Variants in KIF20B observed in about 807,000 individuals in gnomAD.
KIF20B encodes the protein kinesin-like protein KIF20B.
Under a neutral mutation model 232.5 loss-of-function variants are expected in KIF20B, and 188 were observed. That is an observed-to-expected ratio of 0.81 (90% CI 0.72 to 0.91). KIF20B has a LOEUF of 0.91. Ranked by LOEUF, KIF20B falls within the 40% of genes least tolerant of loss-of-function variation. The pLI, the probability that KIF20B is intolerant of heterozygous loss-of-function variation, is 0.00. For synonymous variants in KIF20B, 712 were observed against 683.0 expected, an observed-to-expected ratio of 1.04 and a Z score of -0.66; for missense variants, 2,154 against 2,055.9, an observed-to-expected ratio of 1.05 and a Z score of -0.92.
intron 19 of KIF20B, among the ~76,000 whole-genome samples, chr10:89,733,908 A>G (rs1841584116): frequency 6.6e-6 from 1 of 152,224 alleles, no homozygotes; most frequent in South Asian, 2.1e-4. Context: ...TGAGTGAAAC[A>G]AAAAAGAACA....
chr10:89,750,060 G>C (rs1475650615), intron 23 of KIF20B, among the ~76,000 whole-genome samples: 1 of 151,832 alleles, frequency 6.6e-6, no homozygotes, highest in African/African-American at 2.4e-5. Flanking sequence ...GTGTATTTTG[G>C]GGTTCTTTCC....
In KIF20B at chr10:89,751,299, A is replaced by G. The variant is rs73386407; in HGVS notation, c.4097-47A>G. The G allele has an allele frequency of 0.012, 15,967 of 1,370,304 alleles. 722 individuals are homozygous for G. The African/African-American group carries it at 0.18, about 16-fold the overall frequency. 84.9% of individuals were successfully genotyped at this position (1,370,304 alleles called of 1,614,324 possible). On this transcript the variant is annotated intron_variant, in intron 23 of 32. Transcript: ENST00000371728. ...TTTAGAAGAACTTAAGAAAAATTGG[A>G]TATCTAGAGGCTATTAATTTCTAAA...
At chr10:89,752,039 T>G (rs970908294) in intron 24 of KIF20B, among the ~76,000 whole-genome samples, 1 of 152,116 alleles carries the variant, frequency 6.6e-6, no homozygotes, top group Non-Finnish European at 1.5e-5. Flanking sequence ...CTGATGATGA[T>G]AATGCCATAT....
chr10:89,752,771 A>G, intron 25 of KIF20B, 80 bp downstream of exon 25: 1 of 1,049,560 alleles, frequency 9.5e-7, no homozygotes, highest in Non-Finnish European at 1.3e-6. Flanking sequence ...TCAGTATTTT[A>G]TATTTAGTAA....
intron 1 of KIF20B, among the ~76,000 whole-genome samples, chr10:89,701,997 ATTTC>A (rs1287580262): frequency 6.6e-6 from 1 of 152,200 alleles, no homozygotes; most frequent in African/African-American, 2.4e-5. Flanking sequence ...TGAAGTGTCT[ATTTC>A]TTTCGGCTTT....
intron 23 of KIF20B, among the ~76,000 whole-genome samples, chr10:89,749,022 A>AT (rs35158937): frequency 2.0e-5 from 3 of 152,000 alleles, no homozygotes; most frequent in African/African-American, 7.2e-5. Flanking sequence ...TTGTATGTGT[A>AT]TTTTTTCTAA....
At chr10:89,747,059 T>C (rs1001263186) in intron 23 of KIF20B, among the ~76,000 whole-genome samples, 3 of 152,170 alleles carry the variant, frequency 2.0e-5, no homozygotes, top group Non-Finnish European at 4.4e-5. Flanking sequence ...TAAAATATCT[T>C]TAAAATTAAA....
rs1301847520 is a variant in KIF20B at position 89,757,040 on chromosome 10, G to GTGTATATATATATA, written c.4504-1665_4504-1664insGTATATATATATAT. Among the ~76,000 whole-genome samples the GTGTATATATATATA allele has an allele frequency of 3.4e-3, 380 of 110,640 alleles. 1 individual carries two copies. The highest frequency in any genetic ancestry group is 0.011 in the East Asian group (38 of 3,424). The allele number at this position is 110,640 out of a possible 152,430, so 72.6% of individuals were successfully genotyped here. ...ATCTCTGTTGTGTGTGTGTGTGTGT[G>GTGTATATATATATA]TATATATATATATATATATATATAT... On this transcript the variant is annotated intron_variant, in intron 26 of 32. Transcript: ENST00000371728.
chr10:89,744,425 T>G lies in KIF20B; in HGVS notation c.4035+498T>G, dbSNP rs12262269. ...TTAAAGACAAGTAAAGACTGGTGAA[T>G]GATGGTGAAGTCTGGAGTGTAATTA... On this transcript the variant is annotated intron_variant, in intron 22 of 32. Coordinates refer to ENST00000371728, the MANE Select transcript of KIF20B (RefSeq NM_001284259.2). Among the ~76,000 whole-genome samples the G allele has an allele frequency of 8.3e-3, 1,259 of 152,296 alleles. 21 individuals carry two copies. The highest frequency in any genetic ancestry group is 0.029 in the African/African-American group (1,206 of 41,576).
At chr10:89,764,517 G>A (rs1398543576) in intron 29 of KIF20B, among the ~76,000 whole-genome samples, 1 of 152,166 alleles carries the variant, frequency 6.6e-6, no homozygotes, top group East Asian at 1.9e-4. Context: ...CACCAACAGT[G>A]TAAAAGTGTT....
At chr10:89,753,445 G>A (rs1320042081) in intron 25 of KIF20B, among the ~76,000 whole-genome samples, 1 of 152,018 alleles carries the variant, frequency 6.6e-6, no homozygotes, top group Admixed American at 6.6e-5. Context: ...TCCAAAAGCA[G>A]TTAGAACAAA....
intron 29 of KIF20B, among the ~76,000 whole-genome samples, chr10:89,763,344 T>C (rs116326966): frequency 0.017 from 2,549 of 152,260 alleles, 89 homozygotes; most frequent in African/African-American, 0.058. Flanking sequence ...TATTAAAAGA[T>C]ATAGCGTCCT....
intron 25 of KIF20B, among the ~76,000 whole-genome samples, chr10:89,753,764 G>A (rs895573238): frequency 6.6e-6 from 1 of 152,062 alleles, no homozygotes; most frequent in African/African-American, 2.4e-5. Flanking sequence ...GGGACTACAG[G>A]TACACGCCAG....
intron 5 of KIF20B, 43 bp downstream of exon 5, chr10:89,710,108 T>A (rs1333823318): frequency 6.5e-7 from 1 of 1,533,198 alleles, no homozygotes; most frequent in Non-Finnish European, 8.9e-7. Context: ...AAGGAAGCAA[T>A]AATAATCACT....
At chr10:89,732,487 A>G (rs1337060854) in intron 18 of KIF20B, among the ~76,000 whole-genome samples, 1 of 136,422 alleles carries the variant, frequency 7.3e-6, no homozygotes. Flanking sequence ...TGACGTATCT[A>G]GAAGCTCAGT....
rs747342685 is a variant in KIF20B at position 89,717,701 on chromosome 10, TGAA to T, written c.1254_1256del (p.Lys418del). 7.5e-6 allele frequency: 12 copies of T among 1,596,122 alleles called. No homozygotes were observed. The East Asian group carries it at 2.5e-4, about 33-fold the overall frequency. ...ACTCTGGGAAAGTGTATTAACGTCT[TGAA>T]GAATAGTGAAAAGTCAAAGTAAGTG... On this transcript the variant is annotated inframe_deletion, in exon 11 of 33. Coordinates refer to ENST00000371728, the MANE Select transcript of KIF20B (RefSeq NM_001284259.2).
Position 89,768,819 on chromosome 10 carries a change from A to G in KIF20B, c.5173A>G (p.Lys1725Glu), listed in dbSNP as rs1564677202. Reference protein sequence around the residue: ...SIIGVNLATKKKEGTLQKFGD... With the variant: ...SIIGVNLATKEKEGTLQKFGD... ...AATTGGTGTAAACCTGGCCACTAAG[A>G]AAAAAGAAGGAACACTACAGAAATT... Residue 1725 changes from lysine (K) to glutamate (E), a missense_variant, in exon 31 of 33, where the codon AAA becomes GAA. Physicochemically the swap from Lys to Glu is moderately conservative, Grantham distance 56. Coordinates refer to ENST00000371728, the MANE Select transcript of KIF20B (RefSeq NM_001284259.2). 1.2e-5 allele frequency: 20 copies of G among 1,610,454 alleles called. No homozygotes were observed. Among genetic ancestry groups the G allele is most frequent in the Non-Finnish European group, 1.6e-5 (19 of 1,178,268 alleles).
In KIF20B at chr10:89,738,211, C is replaced by T; in HGVS notation, c.3370C>T (p.Leu1124=). The T allele has an allele frequency of 9.4e-6, 15 of 1,602,556 alleles. No homozygotes were observed. Among genetic ancestry groups the T allele is most frequent in the Non-Finnish European group, 1.3e-5 (15 of 1,177,750 alleles). The change falls in exon 20 of 33, where the codon CTG becomes TTG. Residue 1124 remains leucine, a synonymous_variant. Transcript: ENST00000371728. ...AGAAAAAGAAACTCTTATACAGCAG[C>T]TGAAAGAAGAATTGCAAGAAAAAAA... The part of the protein sequence containing the change: ...LKEKETLIQQ[L]KEELQEKNVT...
At chr10:89,772,987 TATAA>T (rs1842496669) in intron 32 of KIF20B, among the ~76,000 whole-genome samples, 156 bp downstream of exon 32, 1 of 152,144 alleles carries the variant, frequency 6.6e-6, no homozygotes, top group Non-Finnish European at 1.5e-5. Flanking sequence ...ACTAATTAAA[TATAA>T]ATACTGTATT....
Sources: allele counts gnomAD v4.1 joint callset (sites outside exome capture counted in the v4.1 genomes callset), GRCh38; gene constraint gnomAD v4.1.1; transcripts MANE v1.5; gene names NCBI Gene and HGNC (gene_info 2026-07-23, HGNC 2026-07-21).